The following ATXN2 variants were observed in gnomAD, a reference collection of about 807,000 sequenced individuals.
ATXN2 encodes ataxin 2.
ATXN2 carries 37 observed loss-of-function variants against 138.6 expected under a neutral mutation model. That is an observed-to-expected ratio of 0.27 (90% CI 0.21 to 0.35). ATXN2 has a LOEUF of 0.35. Among genes scored for constraint, ATXN2 ranks in the 10% least tolerant of loss-of-function variants. The pLI is 1.00. For missense variants in ATXN2, 1,216 were observed against 1,480.3 expected (o/e 0.82, Z 2.93); for synonymous variants, 549 against 543.7 (o/e 1.01, Z -0.13).
intron 10 of ATXN2, 133 bp from the exon 11 acceptor site, chr12:111,513,672 GAAA>G: frequency 4.3e-6 from 2 of 469,974 alleles, no homozygotes; most frequent in African/African-American, 2.3e-5. Context: ...GTTAAAAATA[GAAA>G]AAAAAAAAAC....
intron 5 of ATXN2, among the ~76,000 whole-genome samples, chr12:111,542,206 A>C (rs1398609089): frequency 6.6e-6 from 1 of 151,974 alleles, no homozygotes; most frequent in African/African-American, 2.4e-5. Flanking sequence ...TGTCTTCATA[A>C]ATCTTCAATT....
In ATXN2 at chr12:111,484,695, C is replaced by G. The variant is rs544605211; in HGVS notation, c.2524+570G>C. Among the ~76,000 whole-genome samples, 201 of 152,030 alleles carry G rather than the reference C, an allele frequency of 1.3e-3. 1 individual carries two copies. Among genetic ancestry groups the G allele is most frequent in the African/African-American group, 3.9e-3 (163 of 41,466 alleles). ...AGGTGATACACCCACCTCGGCCTCC[C>G]AAAGTGCTGGGATTACAGGCATAAG... On this transcript the variant is annotated intron_variant, in intron 18 of 24. Coordinates refer to ENST00000673436, the MANE Select transcript of ATXN2 (RefSeq NM_001372574.1).
intron 5 of ATXN2, among the ~76,000 whole-genome samples, chr12:111,546,965 T>A (rs569961711): frequency 1.3e-5 from 2 of 152,238 alleles, no homozygotes; most frequent in Non-Finnish European, 2.9e-5. Flanking sequence ...GGAACATGTA[T>A]AACATTCAAG....
At chr12:111,508,479 C>T in intron 14 of ATXN2, among the ~76,000 whole-genome samples, 1 of 116,372 alleles carries the variant, frequency 8.6e-6, no homozygotes, top group Non-Finnish European at 1.6e-5. Flanking sequence ...TGCAGTCTTG[C>T]TCTGTCGCCC....
At position 111,480,316 on chromosome 12, in the gene ATXN2, T is replaced by C. The variant is rs997817995; in HGVS notation, c.2524+4949A>G. ...GGATAGTCATTTAGAACAAGATAAATTGGATTCACATTTTATACTTTAAGA... is the reference window on the plus strand; with the variant it reads ...GGATAGTCATTTAGAACAAGATAAACTGGATTCACATTTTATACTTTAAGA... On this transcript the variant is annotated intron_variant, in intron 18 of 24. Transcript: ENST00000673436. 5.3e-5 allele frequency among the ~76,000 whole-genome samples: 8 copies of C among 152,302 alleles called. No individual in the cohort carries two copies. The South Asian group carries it at 6.2e-4, about 12-fold the overall frequency.
chr12:111,521,008 AAAG>A (rs775253933), intron 6 of ATXN2, 35 bp from the exon 7 acceptor site: 1 of 1,340,994 alleles, frequency 7.5e-7, no homozygotes, highest in South Asian at 1.3e-5. Context: ...TCAAAATGTC[AAAG>A]TAGTTGTTCC....
chr12:111,574,926 G>C (rs1883548020), intron 1 of ATXN2, among the ~76,000 whole-genome samples: 1 of 152,092 alleles, frequency 6.6e-6, no homozygotes, highest in Non-Finnish European at 1.5e-5. Context: ...AATTTGAATA[G>C]GTCATTTAAC....
intron 20 of ATXN2, among the ~76,000 whole-genome samples, chr12:111,466,370 G>A (rs562429039): frequency 2.1e-3 from 315 of 151,224 alleles, no homozygotes; most frequent in African/African-American, 7.4e-3. Context: ...GCATGGTGGC[G>A]GGCGCCTGTA....
chr12:111,484,415 TTTTG>T (rs765330874), intron 18 of ATXN2, among the ~76,000 whole-genome samples: 27 of 152,042 alleles, frequency 1.8e-4, no homozygotes, highest in East Asian at 5.8e-4. Flanking sequence ...AGTCTGGTTT[TTTTG>T]TTTGTTTGTT....
At chr12:111,505,622 A>C (rs1879056677) in intron 14 of ATXN2, among the ~76,000 whole-genome samples, 1 of 152,238 alleles carries the variant, frequency 6.6e-6, no homozygotes, top group Non-Finnish European at 1.5e-5. Context: ...AAAGAACTGC[A>C]CATTAAAGCC....
intron 1 of ATXN2, among the ~76,000 whole-genome samples, chr12:111,570,566 T>A (rs911750280): frequency 2.0e-5 from 3 of 152,168 alleles, no homozygotes; most frequent in Non-Finnish European, 2.9e-5. Flanking sequence ...ACATACACCA[T>A]GTGTATAGCA....
intron 5 of ATXN2, among the ~76,000 whole-genome samples, chr12:111,530,864 G>T (rs960764598): frequency 1.3e-5 from 2 of 152,038 alleles, no homozygotes; most frequent in Non-Finnish European, 2.9e-5. Context: ...AGTGGCTGAC[G>T]CCTGTAATCC....
At chr12:111,551,178 T>G (rs1305115788) in intron 5 of ATXN2, among the ~76,000 whole-genome samples, 4 of 151,426 alleles carry the variant, frequency 2.6e-5, no homozygotes, top group Non-Finnish European at 5.9e-5. Context: ...ACGCCTGTAG[T>G]CCCAGCTACT....
intron 20 of ATXN2, among the ~76,000 whole-genome samples, chr12:111,467,609 G>C (rs534259224): frequency 6.6e-6 from 1 of 152,190 alleles, no homozygotes; most frequent in East Asian, 1.9e-4. Context: ...GTTCAGATTT[G>C]GCTGAGTAAC....
chr12:111,488,063 A>T (rs531540426), intron 15 of ATXN2, among the ~76,000 whole-genome samples: 1 of 152,154 alleles, frequency 6.6e-6, no homozygotes, highest in Non-Finnish European at 1.5e-5. Context: ...CTGATGAAAA[A>T]TATTTTGAAT....
chr12:111,560,904 A>G (rs146333812), intron 1 of ATXN2, among the ~76,000 whole-genome samples: 7 of 152,348 alleles, frequency 4.6e-5, no homozygotes, highest in Non-Finnish European at 8.8e-5. Context: ...TTAAGAACGA[A>G]AGAAAACCAT....
intron 1 of ATXN2, among the ~76,000 whole-genome samples, chr12:111,569,431 T>C (rs1883193272): frequency 6.6e-6 from 1 of 151,902 alleles, no homozygotes; most frequent in Non-Finnish European, 1.5e-5. Flanking sequence ...ACTAGAGTAG[T>C]AAAGGAGAAA....
Position 111,475,127 on chromosome 12 carries a change from T to C in ATXN2, c.2525-4385A>G, listed in dbSNP as rs188664866. On this transcript the variant is annotated intron_variant, in intron 18 of 24. Transcript: ENST00000673436. ...TACTCAGGAGGCTGAGGCAGGAGAA[T>C]GGCATGAACCCAAGAGGCGGAGCTT... Among the ~76,000 whole-genome samples the C allele has an allele frequency of 2.8e-3, 421 of 151,680 alleles. 1 individual carries two copies. The highest frequency in any genetic ancestry group is 9.5e-3 in the African/African-American group (393 of 41,336).
intron 23 of ATXN2, chr12:111,455,715 T>C (rs1263613721): frequency 9.0e-6 from 4 of 445,564 alleles, no homozygotes; most frequent in East Asian, 4.7e-5. Context: ...ATATATATAG[T>C]AGTGAGGCTA....
Sources: gnomAD v4.1 joint callset for allele counts (sites outside exome capture counted in the v4.1 genomes callset) on GRCh38, gnomAD v4.1.1 for gene constraint, MANE v1.5 for transcripts, NCBI Gene and HGNC (gene_info 2026-07-23, HGNC 2026-07-21) for gene names.